NREP: variants seen among roughly 807,000 people sequenced by gnomAD.
NREP encodes neuronal regeneration related protein.
NREP carries 5 observed loss-of-function variants against 8.6 expected under a neutral mutation model. The ratio of observed to expected loss-of-function variants is 0.58; its 90% CI spans 0.30 to 1.22. The LOEUF (loss-of-function observed/expected upper bound fraction) is 1.22. NREP is among the 50% of genes most tolerant of loss of function. The pLI, the probability that NREP is intolerant of heterozygous loss-of-function variation, is 0.07. For missense variants in NREP, 86 were observed against 82.5 expected (o/e 1.04, Z -0.17); for synonymous variants, 27 against 28.0 (o/e 0.96, Z 0.11).
intron 2 of NREP, among the ~76,000 whole-genome samples, chr5:111,817,743 T>G (rs1752425388): frequency 1.5e-5 from 2 of 137,518 alleles, no homozygotes; most frequent in Non-Finnish European, 3.0e-5. Context: ...AGGCGGAGCT[T>G]ACAGTGAGCT....
intron 2 of NREP, among the ~76,000 whole-genome samples, chr5:111,862,424 C>T (rs376907294): frequency 3.3e-5 from 5 of 152,158 alleles, no homozygotes; most frequent in South Asian, 2.1e-4. Flanking sequence ...TGACAGAGTA[C>T]GGCGAGGCTT....
intron 2 of NREP, among the ~76,000 whole-genome samples, chr5:111,857,228 G>A (rs981204497): frequency 2.0e-5 from 3 of 152,136 alleles, no homozygotes; most frequent in Non-Finnish European, 2.9e-5. Flanking sequence ...CACAGTGTGG[G>A]CCATAGCAGC....
At chr5:111,768,392 G>A (rs1017757242) in intron 2 of NREP, among the ~76,000 whole-genome samples, 2 of 152,020 alleles carry the variant, frequency 1.3e-5, no homozygotes, top group Non-Finnish European at 2.9e-5. Flanking sequence ...AGATTCAGGG[G>A]GTACATATGC....
intron 2 of NREP, among the ~76,000 whole-genome samples, chr5:111,941,032 C>A (rs1277629023): frequency 6.6e-6 from 1 of 151,950 alleles, no homozygotes; most frequent in South Asian, 2.1e-4. Context: ...GGGTAGGGAG[C>A]AAACCCTGAT....
At chr5:111,946,122 G>A (rs905718067) in intron 2 of NREP, among the ~76,000 whole-genome samples, 26 of 150,286 alleles carry the variant, frequency 1.7e-4, no homozygotes, top group African/African-American at 5.9e-4. Flanking sequence ...AAATTTGAAC[G>A]AGCTAGTGAG....
chr5:111,756,764 G>A (rs1416583160), intron 1 of NREP, among the ~76,000 whole-genome samples: 3 of 152,130 alleles, frequency 2.0e-5, no homozygotes, highest in African/African-American at 4.8e-5. Context: ...TTATAAAAAG[G>A]GAGGAAAAGC....
chr5:111,865,786 A>T (rs1753650653), intron 2 of NREP, among the ~76,000 whole-genome samples: 1 of 152,136 alleles, frequency 6.6e-6, no homozygotes, highest in Non-Finnish European at 1.5e-5. Flanking sequence ...GTGGATACAA[A>T]GCACTGAAAT....
intron 2 of NREP, among the ~76,000 whole-genome samples, chr5:111,797,773 G>C (rs1329736140): frequency 6.6e-6 from 1 of 152,192 alleles, no homozygotes; most frequent in African/African-American, 2.4e-5. Context: ...CCCTGATGAG[G>C]ATGGGATTTT....
chr5:111,974,468 C>T (rs191680721), intron 2 of NREP: 1 of 152,250 alleles, frequency 6.6e-6, no homozygotes, highest in East Asian at 1.9e-4. Context: ...GGGCCAGGAG[C>T]ATGACATAAT....
intron 2 of NREP, among the ~76,000 whole-genome samples, chr5:111,825,005 G>A (rs189327279): frequency 3.9e-5 from 6 of 152,206 alleles, no homozygotes; most frequent in African/African-American, 9.6e-5. Context: ...AGAGATATAC[G>A]TCTCCTCAGA....
At chr5:111,923,144 G>A (rs2112583974) in intron 2 of NREP, among the ~76,000 whole-genome samples, 1 of 152,296 alleles carries the variant, frequency 6.6e-6, no homozygotes. Flanking sequence ...GACATATTTG[G>A]AGTTGGTATA....
At chr5:111,959,274 T>C (rs999983868) in intron 2 of NREP, among the ~76,000 whole-genome samples, 2 of 151,980 alleles carry the variant, frequency 1.3e-5, no homozygotes, top group African/African-American at 4.8e-5. Context: ...AAAATTAGTC[T>C]ATGGTGATTG....
chr5:111,911,363 A>C (rs1424064646), intron 2 of NREP, among the ~76,000 whole-genome samples: 1 of 152,106 alleles, frequency 6.6e-6, no homozygotes, highest in Non-Finnish European at 1.5e-5. Context: ...TTACTTACAC[A>C]CTTTGCAGAA....
chr5:111,965,892 A>T (rs1257314748), intron 2 of NREP, among the ~76,000 whole-genome samples: 2 of 145,778 alleles, frequency 1.4e-5, no homozygotes, highest in Admixed American at 1.4e-4. Flanking sequence ...GTTATTCTTT[A>T]AAAAAAAAAT....
intron 2 of NREP, among the ~76,000 whole-genome samples, chr5:111,780,854 C>G (rs1335687295): frequency 6.6e-6 from 1 of 152,008 alleles, no homozygotes; most frequent in African/African-American, 2.4e-5. Context: ...GAAGTTGACA[C>G]ATTGCCATCA....
At chr5:111,746,238 A>AT (rs140846352) in intron 2 of NREP, among the ~76,000 whole-genome samples, 6 of 151,342 alleles carry the variant, frequency 4.0e-5, no homozygotes, top group East Asian at 1.9e-4. Context: ...AGTGGTTATC[A>AT]TTTTTTTTTA....
At chr5:111,908,784 A>C (rs1754837530) in intron 2 of NREP, among the ~76,000 whole-genome samples, 2 of 152,098 alleles carry the variant, frequency 1.3e-5, no homozygotes, top group African/African-American at 4.8e-5. Context: ...TCCTTTAGAT[A>C]TATACCCACT....
intron 2 of NREP, among the ~76,000 whole-genome samples, chr5:111,849,072 C>CA (rs1364261240): frequency 1.3e-5 from 2 of 152,092 alleles, no homozygotes; most frequent in Non-Finnish European, 2.9e-5. Context: ...TTGTGGGTAA[C>CA]ACAGAGAAAC....
At chr5:111,849,792 G>C (rs183297085) in intron 2 of NREP, among the ~76,000 whole-genome samples, 1 of 152,064 alleles carries the variant, frequency 6.6e-6, no homozygotes, top group East Asian at 1.9e-4. Context: ...GTGGCCATGG[G>C]ATCTAAACTG....
Sources: allele counts gnomAD v4.1 joint callset (sites outside exome capture counted in the v4.1 genomes callset), GRCh38; gene constraint gnomAD v4.1.1; transcripts MANE v1.5; gene names NCBI Gene and HGNC (gene_info 2026-07-23, HGNC 2026-07-21).